The following PREP variants were observed in gnomAD, a reference collection of about 807,000 sequenced individuals.
PREP encodes the protein prolyl endopeptidase.
In PREP, 29 loss-of-function variants were observed where a neutral mutation model predicts 87.6. The ratio of observed to expected loss-of-function variants is 0.33; its 90% confidence interval spans 0.25 to 0.45. PREP has a LOEUF of 0.45. Ranked by LOEUF, PREP falls within the 20% of genes least tolerant of loss-of-function variation. The pLI is 1.00. For synonymous variants in PREP, 337 were observed against 328.6 expected, an observed-to-expected ratio of 1.03 and a Z score of -0.28; for missense variants, 695 against 886.5, an observed-to-expected ratio of 0.78 and a Z score of 2.74.
intron 10 of PREP, among the ~76,000 whole-genome samples, chr6:105,318,087 T>C (rs972422654): frequency 2.6e-5 from 4 of 152,168 alleles, no homozygotes; most frequent in African/African-American, 4.8e-5. Context: ...GCCAAAGGCC[T>C]TTTTTTGCCT....
rs183338724 is a variant in PREP at position 105,274,838 on chromosome 6, G to C, written c.*3306C>G. On this transcript the variant is annotated 3_prime_UTR_variant, in exon 15 of 15. Transcript: ENST00000652536. ...CCCTGCCTGCCCACCTCCTGGCTGGGGAACTTGGACCTTTGCCAAATGGGG... is the reference window on the plus strand; with the variant it reads ...CCCTGCCTGCCCACCTCCTGGCTGGCGAACTTGGACCTTTGCCAAATGGGG... Among the ~76,000 whole-genome samples, 2 of 152,296 alleles carry C rather than the reference G, an allele frequency of 1.3e-5. No homozygotes were observed. Among genetic ancestry groups the C allele is most frequent in the African/African-American group, 4.8e-5 (2 of 41,566 alleles).
intron 10 of PREP, among the ~76,000 whole-genome samples, chr6:105,309,589 CTTTTTTT>C (rs1770719506): frequency 6.6e-6 from 1 of 151,618 alleles, no homozygotes; most frequent in Non-Finnish European, 1.5e-5. Context: ...TTTCTTTTTT[CTTTTTTT>C]ATTTTTTAGT....
At chr6:105,371,373 G>A (rs1315023237) in intron 5 of PREP, among the ~76,000 whole-genome samples, 1 of 151,606 alleles carries the variant, frequency 6.6e-6, no homozygotes, top group Non-Finnish European at 1.5e-5. Context: ...TAGGCATGGC[G>A]CTAACTAGTC....
chr6:105,363,903 G>C (rs1772314630), intron 6 of PREP, among the ~76,000 whole-genome samples: 1 of 152,168 alleles, frequency 6.6e-6, no homozygotes, highest in African/African-American at 2.4e-5. Flanking sequence ...GAACAGCAAA[G>C]TACAGAGTTT....
At chr6:105,346,032 T>A (rs1327693949) in intron 7 of PREP, among the ~76,000 whole-genome samples, 1 of 152,208 alleles carries the variant, frequency 6.6e-6, no homozygotes, top group African/African-American at 2.4e-5. Flanking sequence ...GATTTCCTAT[T>A]TTGGGTCTTG....
intron 10 of PREP, among the ~76,000 whole-genome samples, chr6:105,297,400 C>G (rs1416225368): frequency 6.6e-6 from 1 of 152,168 alleles, no homozygotes; most frequent in Non-Finnish European, 1.5e-5. Flanking sequence ...TATATAACAG[C>G]CATTAGTGCT....
At chr6:105,283,334 T>A (rs1770121808) in intron 12 of PREP, among the ~76,000 whole-genome samples, 1 of 152,218 alleles carries the variant, frequency 6.6e-6, no homozygotes, top group Admixed American at 6.5e-5. Flanking sequence ...TACAGGGCCA[T>A]GAAATATCTA....
chr6:105,320,281 T>C (rs750255531), intron 10 of PREP, among the ~76,000 whole-genome samples: 17 of 152,228 alleles, frequency 1.1e-4, no homozygotes, highest in Non-Finnish European at 2.1e-4. Context: ...GAAGATAAAC[T>C]GACAGTGTTT....
At position 105,275,813 on chromosome 6, in the gene PREP, T is replaced by TA. The variant is rs904607297; in HGVS notation, c.*2330dup. On this transcript the variant is annotated 3_prime_UTR_variant, in exon 15 of 15. Coordinates refer to ENST00000652536, the MANE Select transcript of PREP (RefSeq NM_002726.5). The stretch of plus-strand genomic sequence containing the variant: ...TGGATGGAACTGAAGGTCAATATGG[T>TA]AAGTGAAATAAGCCAGGCACAGGAA... Among the ~76,000 whole-genome samples, 8 of 152,182 alleles carry TA rather than the reference T, an allele frequency of 5.3e-5. No individual in the cohort carries two copies. The highest frequency in any genetic ancestry group is 5.2e-4 in the Admixed American group (8 of 15,280).
chr6:105,282,728 A>G, intron 12 of PREP, 146 bp from the exon 13 acceptor site: 2 of 887,196 alleles, frequency 2.3e-6, no homozygotes, highest in Non-Finnish European at 3.3e-6. Flanking sequence ...AAAAAGCCTC[A>G]ATTTAAGTTC....
intron 6 of PREP, among the ~76,000 whole-genome samples, chr6:105,365,205 C>T (rs1159253958): frequency 6.6e-6 from 1 of 152,220 alleles, no homozygotes; most frequent in Non-Finnish European, 1.5e-5. Flanking sequence ...CGAAATCATG[C>T]CACGGCACTC....
chr6:105,381,713 C>T (rs774972231), intron 2 of PREP, among the ~76,000 whole-genome samples: 8 of 152,122 alleles, frequency 5.3e-5, no homozygotes, highest in Admixed American at 6.6e-5. Flanking sequence ...AGAAATCTTA[C>T]TTATATCTCA....
intron 10 of PREP, among the ~76,000 whole-genome samples, chr6:105,300,197 T>C (rs999057882): frequency 2.0e-5 from 3 of 152,222 alleles, no homozygotes; most frequent in African/African-American, 7.2e-5. Flanking sequence ...GCGCCCAGAC[T>C]GTTTTTGTTA....
intron 7 of PREP, among the ~76,000 whole-genome samples, chr6:105,335,486 T>A (rs1771454696): frequency 6.6e-6 from 1 of 152,216 alleles, no homozygotes; most frequent in South Asian, 2.1e-4. Context: ...TGGTCATATA[T>A]GTTTGGATTA....
chr6:105,390,974 A>G (rs1322645843), intron 2 of PREP, among the ~76,000 whole-genome samples: 4 of 151,740 alleles, frequency 2.6e-5, no homozygotes, highest in Non-Finnish European at 5.9e-5. Flanking sequence ...TTCTCCCTGG[A>G]CATGAGGCCC....
Position 105,277,239 on chromosome 6 carries a change from G to A in PREP, c.*905C>T, listed in dbSNP as rs1769960883. Among the ~76,000 whole-genome samples, 2 of 149,816 alleles carry A rather than the reference G, an allele frequency of 1.3e-5. No homozygotes were observed. The highest frequency in any genetic ancestry group is 3.9e-4 in the East Asian group (2 of 5,174). On this transcript the variant is annotated 3_prime_UTR_variant, in exon 15 of 15. Coordinates refer to ENST00000652536, the MANE Select transcript of PREP (RefSeq NM_002726.5). ...TGATCTATGCAGGAGAAACAGCTTG[G>A]GAAATGCTGAAATTTCTGACTGTAA...
chr6:105,365,041 G>C (rs1236617215), intron 6 of PREP, among the ~76,000 whole-genome samples: 1 of 152,204 alleles, frequency 6.6e-6, no homozygotes, highest in Non-Finnish European at 1.5e-5. Flanking sequence ...GAGGTCAGGA[G>C]TTTGAGACCA....
intron 7 of PREP, among the ~76,000 whole-genome samples, chr6:105,344,681 G>C (rs1004419848): frequency 2.0e-5 from 3 of 152,082 alleles, no homozygotes; most frequent in Non-Finnish European, 4.4e-5. Context: ...GGCCTGTCGT[G>C]GGGTGGGGGA....
At chr6:105,313,703 A>C (rs1770804991) in intron 10 of PREP, among the ~76,000 whole-genome samples, 1 of 152,170 alleles carries the variant, frequency 6.6e-6, no homozygotes, top group South Asian at 2.1e-4. Context: ...GACTCACCGC[A>C]CAAGGGGCAG....
Sources: gnomAD v4.1 joint callset for allele counts (sites outside exome capture counted in the v4.1 genomes callset) on GRCh38, gnomAD v4.1.1 for gene constraint, MANE v1.5 for transcripts, NCBI Gene and HGNC (gene_info 2026-07-23, HGNC 2026-07-21) for gene names.